Variants in ZNF99 observed in about 807,000 individuals in gnomAD.
ZNF99 encodes zinc finger protein ENSP00000375192.
ZNF99 carries 8 observed loss-of-function variants against 12.8 expected under a neutral mutation model. The observed-to-expected ratio is 0.62, with a 90% CI of 0.37 to 1.13. The LOEUF is 1.13. Ranked by LOEUF, ZNF99 falls within the 50% of genes most tolerant of loss-of-function variation. ZNF99 has a pLI of 0.02. For missense variants in ZNF99, 1,007 were observed against 1,006.2 expected (o/e 1.00, Z -0.01); for synonymous variants, 318 against 319.0 (o/e 1.00, Z 0.03).
At chr19:22,776,811 G>C (rs1409828752) in intron 1 of ZNF99, among the ~76,000 whole-genome samples, 1 of 152,162 alleles carries the variant, frequency 6.6e-6, no homozygotes, top group Non-Finnish European at 1.5e-5. Context: ...CAAAGACATG[G>C]AATCAACCGA....
intron 1 of ZNF99, among the ~76,000 whole-genome samples, chr19:22,770,204 A>G (rs1973251348): frequency 6.6e-6 from 1 of 152,218 alleles, no homozygotes; most frequent in African/African-American, 2.4e-5. Flanking sequence ...AACAAAGACG[A>G]GAGCCCTCAT....
At chr19:22,764,523 A>C (rs527304800) in intron 3 of ZNF99, among the ~76,000 whole-genome samples, 47 of 152,148 alleles carry the variant, frequency 3.1e-4, no homozygotes, top group Non-Finnish European at 5.6e-4. Context: ...TTTGCATGGC[A>C]AAAGGAACAC....
Position 22,757,687 on chromosome 19 carries a change from G to A in ZNF99, c.2222C>T (p.Ala741Val). The A allele has an allele frequency of 6.2e-7, 1 of 1,611,822 alleles. No homozygotes were observed. The highest frequency in any genetic ancestry group is 8.5e-7 in the Non-Finnish European group (1 of 1,179,692). ...AGTAAGTTTTGAGGACCACTTAAAA[G>A]CTTTACCACATTCTTCACATTTGTA... ...KPYKCEECGK[A>V]FKWSSKLTVH... is the part of the protein sequence containing the mutation. The change falls in exon 4 of 4, where the codon GCT becomes GTT. Residue 741 changes from alanine (A) to valine (V), a missense_variant. Coordinates refer to ENST00000596209, the MANE Select transcript of ZNF99 (RefSeq NM_001080409.3).
At chr19:22,779,992 C>G (rs779939680) in intron 1 of ZNF99, among the ~76,000 whole-genome samples, 1 of 152,176 alleles carries the variant, frequency 6.6e-6, no homozygotes, top group Non-Finnish European at 1.5e-5. Flanking sequence ...CTCCCAATCC[C>G]CTTTCATCTT....
chr19:22,780,942 A>G (rs1381751273), intron 1 of ZNF99, among the ~76,000 whole-genome samples: 3 of 152,038 alleles, frequency 2.0e-5, no homozygotes, highest in African/African-American at 2.4e-5. Flanking sequence ...GATTTTCCCT[A>G]TTTTTCTTCC....
intron 1 of ZNF99, among the ~76,000 whole-genome samples, chr19:22,783,579 T>C (rs1973414224): frequency 6.6e-6 from 1 of 152,202 alleles, no homozygotes; most frequent in African/African-American, 2.4e-5. Context: ...AATCACTCTT[T>C]GATTAAATCC....
At chr19:22,763,743 T>TAGTCACAAAA (rs773408866) in intron 3 of ZNF99, among the ~76,000 whole-genome samples, 3 of 151,862 alleles carry the variant, frequency 2.0e-5, no homozygotes, top group Non-Finnish European at 4.4e-5. Context: ...TATAAAGCCA[T>TAGTCACAAAA]AGTCACAAAA....
rs539322066 is a variant in ZNF99 at position 22,758,322 on chromosome 19, T to G, written c.1587A>C (p.Ile529=). ...TGTAGGGTTTCTTTCCAGTATGAAT[T>G]ATCTTATGTTTTCTAAGGGCTGAGA... ...KHFSALRKHK[I]IHTGKKPYKC... is the part of the protein sequence containing the mutation. The change falls in exon 4 of 4, where the codon ATA becomes ATC. Residue 529 remains isoleucine (I), a synonymous_variant. Coordinates refer to ENST00000596209, the MANE Select transcript of ZNF99 (RefSeq NM_001080409.3). 6.2e-7 allele frequency: 1 copy of G among 1,613,580 alleles called. No homozygotes were observed. Among genetic ancestry groups the G allele is most frequent in the Admixed American group, 1.7e-5 (1 of 59,996 alleles).
chr19:22,782,828 C>G (rs1352343829), intron 1 of ZNF99, among the ~76,000 whole-genome samples: 6 of 151,294 alleles, frequency 4.0e-5, no homozygotes, highest in Admixed American at 3.3e-4. Flanking sequence ...CTGCCACACT[C>G]CCGGCTAATT....
chr19:22,759,823 C>A, intron 3 of ZNF99, 141 bp from the exon 4 acceptor site: 1 of 569,578 alleles, frequency 1.8e-6, no homozygotes, highest in Non-Finnish European at 2.8e-6. Context: ...TCTTCATAGA[C>A]ATATAAATGT....
intron 1 of ZNF99, among the ~76,000 whole-genome samples, 192 bp from the exon 2 acceptor site, chr19:22,769,516 C>T (rs1295170624): frequency 6.6e-6 from 1 of 151,994 alleles, no homozygotes; most frequent in African/African-American, 2.4e-5. Context: ...GCCTGTAATC[C>T]CAGCACTTTG....
chr19:22,759,689 G>A lies in ZNF99; in HGVS notation c.227-7C>T. ...GTAAAATGAGAACTAATAACTGGAA[G>A]AAATGAAAATAATAAATTATGTCAC... is the stretch of plus-strand genomic sequence containing the variant. On this transcript the variant is annotated splice_polypyrimidine_tract_variant and splice_region_variant and intron_variant, in intron 3 of 3. Coordinates refer to ENST00000596209, the MANE Select transcript of ZNF99 (RefSeq NM_001080409.3). The A allele has an allele frequency of 6.7e-7, 1 of 1,495,236 alleles. No individual in the cohort carries two copies. Among genetic ancestry groups the A allele is most frequent in the Non-Finnish European group, 8.9e-7 (1 of 1,124,380 alleles). 92.6% of individuals were successfully genotyped at this position (1,495,236 alleles called of 1,614,324 possible). A position where few individuals can be genotyped will look rare whatever the true frequency, so the allele number is the denominator to read the frequency against.
At chr19:22,775,550 C>T (rs1320443109) in intron 1 of ZNF99, among the ~76,000 whole-genome samples, 1 of 151,072 alleles carries the variant, frequency 6.6e-6, no homozygotes. Flanking sequence ...GAAGTAAAAA[C>T]TGACAAATGG....
At chr19:22,780,250 G>T (rs1220431718) in intron 1 of ZNF99, among the ~76,000 whole-genome samples, 2 of 152,146 alleles carry the variant, frequency 1.3e-5, no homozygotes, top group African/African-American at 4.8e-5. Flanking sequence ...GAAAGTAAGT[G>T]TTCGAAAAAT....
Position 22,757,471 on chromosome 19 carries a change from C to T in ZNF99, c.2438G>A (p.Gly813Glu). Residue 813 changes from glycine (G) to glutamate (E), a missense_variant, in exon 4 of 4, where the codon GGA becomes GAA. By Grantham distance (98) the Gly-to-Glu change is moderately conservative. Transcript: ENST00000596209. ...TTCTTCACATTTGTAGGATTTCTCT[C>T]CAGTATGAATTATCTCATGTTTTCT... Reference protein sequence around the residue: ...TLRKHEIIHTGEKSYKCEECG... With the variant: ...TLRKHEIIHTEEKSYKCEECG... 6.2e-7 allele frequency: 1 copy of T among 1,610,110 alleles called. No individual in the cohort carries two copies. The highest frequency in any genetic ancestry group is 8.5e-7 in the Non-Finnish European group (1 of 1,179,494).
rs779335692 is a variant in ZNF99 at position 22,757,883 on chromosome 19, G to A, written c.2026C>T (p.Pro676Ser). Residue 676 changes from proline to serine, a missense_variant, in exon 4 of 4, where the codon CCC (proline) becomes TCC (serine). Physicochemically the swap from Pro to Ser is moderately conservative, Grantham distance 74 (BLOSUM62 -1). Coordinates refer to ENST00000596209, the MANE Select transcript of ZNF99 (RefSeq NM_001080409.3). ...RHKVIHTEEK[P>S]YKCEECGKAF... is the part of the protein sequence containing the mutation. Reference sequence around the variant, plus strand: ...TTGCCACATTCTTCACATTTGTAGGGTTTCTCTTCAGTATGAATTACTTTA... The same window carrying A: ...TTGCCACATTCTTCACATTTGTAGGATTTCTCTTCAGTATGAATTACTTTA... 2.5e-6 allele frequency: 4 copies of A among 1,612,358 alleles called. No individual in the cohort carries two copies. Among genetic ancestry groups the A allele is most frequent in the Non-Finnish European group, 2.5e-6 (3 of 1,178,982 alleles).
intron 3 of ZNF99, among the ~76,000 whole-genome samples, chr19:22,761,728 G>A (rs746716612): frequency 2.0e-4 from 31 of 152,028 alleles, no homozygotes; most frequent in Admixed American, 5.2e-4. Flanking sequence ...CAAATAGACC[G>A]TATGATAAGC....
chr19:22,759,240 A>C lies in ZNF99; in HGVS notation c.669T>G (p.His223Gln). The C allele has an allele frequency of 1.3e-6, 2 of 1,557,090 alleles. No individual in the cohort carries two copies. The highest frequency in any genetic ancestry group is 2.7e-5 in the African/African-American group (2 of 73,360). ...FSTLIKHKII[H>Q]TEDKPYKYKK... ...TATATTTGTAGGGTTTGTCTTCAGT[A>C]TGAATTATCTTATGTTTAATAAGGG... Residue 223 changes from histidine to glutamine, a missense_variant, in exon 4 of 4, where the codon CAT becomes CAG. His to Gln is a conservative substitution (Grantham distance 24, BLOSUM62 0). Transcript: ENST00000596209.
intron 3 of ZNF99, among the ~76,000 whole-genome samples, chr19:22,767,861 G>C (rs895108663): frequency 3.9e-5 from 6 of 152,154 alleles, no homozygotes; most frequent in African/African-American, 1.2e-4. Context: ...GCCGGTATCT[G>C]TTTCTGGTGT....
Sources: gnomAD v4.1 joint callset for allele counts (sites outside exome capture counted in the v4.1 genomes callset) on GRCh38, gnomAD v4.1.1 for gene constraint, MANE v1.5 for transcripts, NCBI Gene and HGNC (gene_info 2026-07-23, HGNC 2026-07-21) for gene names.